Variants in EML6 observed in about 807,000 individuals in gnomAD.
EML6 encodes the protein EMAP like 6, also known as echinoderm microtubule-associated protein-like 6.
Under a neutral mutation model 240.1 loss-of-function variants are expected in EML6, and 154 were observed. The ratio of observed to expected loss-of-function variants is 0.64; its 90% CI spans 0.56 to 0.73. The LOEUF (loss-of-function observed/expected upper bound fraction) is 0.73, where lower values mean the gene tolerates loss of function less well. EML6 is among the 30% of genes least tolerant of loss of function. EML6 has a pLI of 0.00. For missense variants in EML6, 2,964 were observed against 2,474.6 expected (o/e 1.20, Z -4.20); for synonymous variants, 1,148 against 899.0 (o/e 1.28, Z -4.95).
intron 7 of EML6, among the ~76,000 whole-genome samples, chr2:54,834,687 A>C (rs1460082055): frequency 6.6e-6 from 1 of 152,158 alleles, no homozygotes; most frequent in African/African-American, 2.4e-5. Context: ...ATGGACTATA[A>C]ACTCCGCATC....
At chr2:54,800,555 A>G (rs942375477) in intron 2 of EML6, among the ~76,000 whole-genome samples, 1 of 152,130 alleles carries the variant, frequency 6.6e-6, no homozygotes, top group African/African-American at 2.4e-5. Context: ...ACAAGCATGA[A>G]TTGACTTAGA....
At chr2:54,820,963 C>G (rs1372440287) in intron 5 of EML6, among the ~76,000 whole-genome samples, 4 of 152,158 alleles carry the variant, frequency 2.6e-5, no homozygotes, top group East Asian at 3.8e-4. Context: ...AGACTACACT[C>G]TCATCTGGGT....
chr2:54,728,367 T>G (rs1644372906), intron 2 of EML6, among the ~76,000 whole-genome samples: 1 of 152,218 alleles, frequency 6.6e-6, no homozygotes, highest in Non-Finnish European at 1.5e-5. Context: ...GTTGAGACAT[T>G]TATCTCCTCA....
At chr2:54,867,077 G>C in intron 14 of EML6, 193 bp downstream of exon 14, 2 of 437,840 alleles carry the variant, frequency 4.6e-6, no homozygotes. Flanking sequence ...CCTCGTTGAT[G>C]TTCTGTGGCC....
chr2:54,953,845 C>T, intron 31 of EML6, 138 bp from the exon 32 acceptor site: 1 of 659,872 alleles, frequency 1.5e-6, no homozygotes, highest in Admixed American at 3.1e-5. Context: ...TGAGCTGGTG[C>T]CACTGCACTC....
chr2:54,775,267 C>T (rs1253208341), intron 2 of EML6, among the ~76,000 whole-genome samples: 4 of 152,252 alleles, frequency 2.6e-5, no homozygotes, highest in Non-Finnish European at 5.9e-5. Context: ...CCTCGCTAGG[C>T]CCTGCAGGCA....
intron 26 of EML6, among the ~76,000 whole-genome samples, chr2:54,922,424 T>C (rs542030289): frequency 6.6e-6 from 1 of 152,298 alleles, no homozygotes; most frequent in East Asian, 1.9e-4. Flanking sequence ...AGGGAACCCT[T>C]GTACACTGTT....
At chr2:54,879,401 G>A (rs1671698704) in intron 16 of EML6, 146 bp from the exon 17 acceptor site, 1 of 632,228 alleles carries the variant, frequency 1.6e-6, no homozygotes, top group Non-Finnish European at 2.8e-6. Context: ...TGTATACATT[G>A]TATAATCAAG....
At chr2:54,755,333 G>A (rs574697840) in intron 2 of EML6, among the ~76,000 whole-genome samples, 15 of 152,256 alleles carry the variant, frequency 9.9e-5, no homozygotes, top group African/African-American at 3.1e-4. Context: ...GTTGTCTTGA[G>A]TATTCTGCGT....
In EML6 at chr2:54,826,192, T is replaced by C. The variant is rs193036894; in HGVS notation, c.526-1374T>C. On this transcript the variant is annotated intron_variant, in intron 5 of 41. Transcript: ENST00000356458. Reference sequence around the variant, plus strand: ...GTGAGCTACTTCTGTTTGCTTTCCCTCCCCTCCAGATGGAGATGACCATCC... The same window carrying C: ...GTGAGCTACTTCTGTTTGCTTTCCCCCCCCTCCAGATGGAGATGACCATCC... Among the ~76,000 whole-genome samples the C allele has an allele frequency of 1.1e-3, 167 of 152,286 alleles. 2 individuals carry two copies. Among genetic ancestry groups the C allele is most frequent in the African/African-American group, 4.0e-3 (167 of 41,548 alleles).
chr2:54,765,242 C>G (rs1668134992), intron 2 of EML6, among the ~76,000 whole-genome samples: 1 of 152,114 alleles, frequency 6.6e-6, no homozygotes, highest in Non-Finnish European at 1.5e-5. Flanking sequence ...AAATTACTTA[C>G]AAGGGTATTT....
intron 26 of EML6, among the ~76,000 whole-genome samples, chr2:54,925,196 A>T (rs925919374): frequency 6.6e-6 from 1 of 151,992 alleles, no homozygotes; most frequent in Non-Finnish European, 1.5e-5. Context: ...CCACACACAC[A>T]CCGCCCGCTC....
In EML6 at chr2:54,785,917, G is replaced by A. The variant is rs949380435; in HGVS notation, c.198-27315G>A. Among the ~76,000 whole-genome samples, 4 of 151,714 alleles carry A rather than the reference G, an allele frequency of 2.6e-5. No individual in the cohort carries two copies. The East Asian group carries it at 7.7e-4, about 29-fold the overall frequency. On this transcript the variant is annotated intron_variant, in intron 2 of 41. Transcript: ENST00000356458. ...ACATTTCAAGCTTGTGTCGTCTAAG[G>A]ATCAACTGTATATATAAATATATAT...
At chr2:54,932,351 A>G (rs552080239) in intron 28 of EML6, among the ~76,000 whole-genome samples, 1 of 152,134 alleles carries the variant, frequency 6.6e-6, no homozygotes, top group South Asian at 2.1e-4. Flanking sequence ...GAAAGTCATG[A>G]AGTCTTTTTT....
At chr2:54,819,985 T>C (rs917730722) in intron 4 of EML6, among the ~76,000 whole-genome samples, 2 of 152,174 alleles carry the variant, frequency 1.3e-5, no homozygotes, top group African/African-American at 2.4e-5. Flanking sequence ...TAGTTAACTA[T>C]TGAATGTTTT....
chr2:54,743,024 A>G (rs533806461), intron 2 of EML6, among the ~76,000 whole-genome samples: 1 of 152,390 alleles, frequency 6.6e-6, no homozygotes, highest in Admixed American at 6.5e-5. Context: ...CAAAATGCTT[A>G]TCATATTAAA....
At chr2:54,902,879 G>C (rs960148024) in intron 22 of EML6, among the ~76,000 whole-genome samples, 165 bp from the exon 23 acceptor site, 1 of 152,168 alleles carries the variant, frequency 6.6e-6, no homozygotes, top group African/African-American at 2.4e-5. Context: ...CCAGACAAGA[G>C]GTGTCTTAAA....
intron 7 of EML6, among the ~76,000 whole-genome samples, chr2:54,839,779 G>C (rs1279258637): frequency 2.0e-5 from 3 of 152,210 alleles, no homozygotes; most frequent in Non-Finnish European, 4.4e-5. Context: ...GAATGCAAGA[G>C]CTCCCTGGAT....
intron 30 of EML6, 87 bp downstream of exon 30, chr2:54,950,866 A>G: frequency 1.4e-6 from 2 of 1,383,624 alleles, no homozygotes; most frequent in Non-Finnish European, 2.0e-6. Flanking sequence ...AAGCTTAAGC[A>G]TTTTCCTTCC....
Sources: gnomAD v4.1 joint callset for allele counts (sites outside exome capture counted in the v4.1 genomes callset) on GRCh38, gnomAD v4.1.1 for gene constraint, MANE v1.5 for transcripts, NCBI Gene and HGNC (gene_info 2026-07-23, HGNC 2026-07-21) for gene names.